The following SOBP variants were observed in gnomAD, a reference collection of about 807,000 sequenced individuals.
SOBP encodes the protein sine oculis-binding protein homolog.
SOBP carries 4 observed loss-of-function variants against 53.6 expected under a neutral mutation model. That is an observed-to-expected ratio of 0.07 (90% CI 0.04 to 0.17). SOBP has a LOEUF of 0.17. Ranked by LOEUF, SOBP falls within the 10% of genes least tolerant of loss-of-function variation. The probability of loss-of-function intolerance (pLI) is 1.00; values close to 1 mark genes in which losing one functional copy is unlikely to be tolerated. For missense variants in SOBP, 1,088 were observed against 1,204.7 expected, an observed-to-expected ratio of 0.90 and a Z score of 1.43; for synonymous variants, 584 against 522.6, an observed-to-expected ratio of 1.12 and a Z score of -1.60.
At chr6:107,588,728 A>G (rs998462164) in intron 5 of SOBP, among the ~76,000 whole-genome samples, 1 of 152,238 alleles carries the variant, frequency 6.6e-6, no homozygotes, top group Admixed American at 6.5e-5. Context: ...TACTGGAGGA[A>G]GCAAAACATA....
intron 5 of SOBP, among the ~76,000 whole-genome samples, chr6:107,616,095 C>T (rs867607781): frequency 5.1e-5 from 1 of 19,652 alleles, no homozygotes; most frequent in Non-Finnish European, 1.2e-4. Context: ...GGGGGGGGGG[C>T]GGGGGGGCGG....
chr6:107,612,891 T>C (rs553866775), intron 5 of SOBP, among the ~76,000 whole-genome samples: 181 of 152,364 alleles, frequency 1.2e-3, no homozygotes, highest in African/African-American at 3.7e-3. Flanking sequence ...GTTTTCAAGG[T>C]TCCTACATGT....
At chr6:107,646,323 T>C (rs1771555719) in intron 6 of SOBP, among the ~76,000 whole-genome samples, 1 of 152,174 alleles carries the variant, frequency 6.6e-6, no homozygotes, top group South Asian at 2.1e-4. Flanking sequence ...GAAGGAAATC[T>C]CACAATCAAC....
At chr6:107,513,104 T>C (rs1329700165) in intron 3 of SOBP, among the ~76,000 whole-genome samples, 1 of 152,240 alleles carries the variant, frequency 6.6e-6, no homozygotes, top group East Asian at 1.9e-4. Flanking sequence ...GAAGAGCCTG[T>C]CCATACGGCA....
At chr6:107,597,668 T>A (rs1276283237) in intron 5 of SOBP, among the ~76,000 whole-genome samples, 3 of 152,252 alleles carry the variant, frequency 2.0e-5, no homozygotes, top group Non-Finnish European at 4.4e-5. Flanking sequence ...ATGGAATTTT[T>A]ATTTTCATTT....
At position 107,633,888 on chromosome 6, in the gene SOBP, A is replaced by G. The variant is rs373732245; in HGVS notation, c.1044A>G (p.Pro348=). ...GCTCTGTCACTAAAATCCCCACGCC[A>G]GTGCCCAAGTCCATCCCCATCAGCG... ...ANCSVTKIPT[P]VPKSIPISET... The change falls in exon 6 of 7, where the codon CCA becomes CCG. Residue 348 remains proline (P), a synonymous_variant. Transcript: ENST00000317357. The G allele has an allele frequency of 5.0e-6, 8 of 1,614,142 alleles. No homozygotes were observed. The African/African-American group carries it at 1.1e-4, about 22-fold the overall frequency.
At chr6:107,618,862 G>A (rs1039694333) in intron 5 of SOBP, among the ~76,000 whole-genome samples, 3 of 152,210 alleles carry the variant, frequency 2.0e-5, no homozygotes, top group African/African-American at 7.2e-5. Context: ...TGTGGGCTGC[G>A]TAGGGTAACT....
At chr6:107,581,845 A>G (rs1315115063) in intron 4 of SOBP, among the ~76,000 whole-genome samples, 2 of 152,044 alleles carry the variant, frequency 1.3e-5, no homozygotes, top group African/African-American at 2.4e-5. Context: ...TCAACTATAC[A>G]CTTATTCTCA....
chr6:107,640,300 A>G (rs1003365881), intron 6 of SOBP, among the ~76,000 whole-genome samples: 1 of 152,252 alleles, frequency 6.6e-6, no homozygotes, highest in Non-Finnish European at 1.5e-5. Context: ...AGGAAAACTG[A>G]GAGTGACAAA....
At chr6:107,524,569 T>G (rs1328452979) in intron 3 of SOBP, among the ~76,000 whole-genome samples, 4 of 152,202 alleles carry the variant, frequency 2.6e-5, no homozygotes. Context: ...TTCTCTGTAT[T>G]TGATGCAAGT....
At chr6:107,639,196 C>A (rs1004812901) in intron 6 of SOBP, among the ~76,000 whole-genome samples, 1 of 152,230 alleles carries the variant, frequency 6.6e-6, no homozygotes, top group African/African-American at 2.4e-5. Context: ...AGCCGCCGCT[C>A]CCAGTCTGTA....
chr6:107,642,066 A>G (rs1420319220), intron 6 of SOBP, among the ~76,000 whole-genome samples: 3 of 152,268 alleles, frequency 2.0e-5, no homozygotes. Context: ...CTCAAAGGGC[A>G]TAAACGAAAT....
chr6:107,553,409 A>G (rs942745233), intron 4 of SOBP, among the ~76,000 whole-genome samples: 2 of 150,900 alleles, frequency 1.3e-5, no homozygotes, highest in African/African-American at 2.4e-5. Flanking sequence ...GCTCACTGCA[A>G]CCTCTGCCTC....
chr6:107,558,503 C>T (rs925403292), intron 4 of SOBP, among the ~76,000 whole-genome samples: 7 of 151,726 alleles, frequency 4.6e-5, no homozygotes, highest in Admixed American at 6.6e-5. Flanking sequence ...CTCCTGACCT[C>T]GTGATCCGCC....
rs78009694 is a variant in SOBP, at chr6:107,564,506, C to T, written c.574-22574C>T. 2.2e-3 allele frequency among the ~76,000 whole-genome samples: 324 copies of T among 149,900 alleles called. 1 individual carries two copies. The highest frequency in any genetic ancestry group is 7.5e-3 in the African/African-American group (302 of 40,006). ...GCCTTCAGGGCATAATCTGCATTCC[C>T]ACAGGAATTTTCTTCCAGAATTCTG... is the stretch of plus-strand genomic sequence containing the variant. On this transcript the variant is annotated intron_variant, in intron 4 of 6. Transcript: ENST00000317357.
intron 4 of SOBP, among the ~76,000 whole-genome samples, chr6:107,536,913 A>G (rs1331827618): frequency 6.6e-6 from 1 of 152,220 alleles, no homozygotes; most frequent in African/African-American, 2.4e-5. Context: ...AAGTTTTTGA[A>G]ACAGCGGGTA....
At chr6:107,586,985 T>C (rs962162424) in intron 4 of SOBP, 95 bp from the exon 5 acceptor site, 1 of 903,030 alleles carries the variant, frequency 1.1e-6, no homozygotes, top group African/African-American at 1.6e-5. Context: ...ATTTCTGGAT[T>C]CCCGTTTGTT....
At chr6:107,643,256 T>C (rs1771405970) in intron 6 of SOBP, among the ~76,000 whole-genome samples, 1 of 152,244 alleles carries the variant, frequency 6.6e-6, no homozygotes, top group South Asian at 2.1e-4. Context: ...TAAGTTTCTC[T>C]GCAAAGCTCT....
intron 4 of SOBP, among the ~76,000 whole-genome samples, chr6:107,548,940 A>AAAAT (rs1002939611): frequency 3.2e-4 from 48 of 152,116 alleles, no homozygotes; most frequent in East Asian, 1.5e-3. Flanking sequence ...TTATTTCTAA[A>AAAAT]AAATAAATAA....
Sources: allele counts gnomAD v4.1 joint callset (sites outside exome capture counted in the v4.1 genomes callset), GRCh38; gene constraint gnomAD v4.1.1; transcripts MANE v1.5; gene names NCBI Gene and HGNC (gene_info 2026-07-23, HGNC 2026-07-21).